LPP: variants seen among roughly 807,000 people sequenced by gnomAD.
LPP encodes the protein LIM domain containing preferred translocation partner in lipoma, also known as lipoma-preferred partner.
Under a neutral mutation model 60.4 loss-of-function variants are expected in LPP, and 38 were observed. The observed-to-expected ratio is 0.63, with a 90% CI of 0.49 to 0.83. The LOEUF (loss-of-function observed/expected upper bound fraction) is 0.83, where lower values mean the gene tolerates loss of function less well. Among genes scored for constraint, LPP ranks in the 40% least tolerant of loss-of-function variants. The pLI is 0.00. For missense variants in LPP, 902 were observed against 783.6 expected, an observed-to-expected ratio of 1.15 and a Z score of -1.80; for synonymous variants, 328 against 290.8, an observed-to-expected ratio of 1.13 and a Z score of -1.30.
In LPP at chr3:188,758,895, T is replaced by C. The variant is rs1249278623; in HGVS notation, c.1241-1218T>C. 3 of 152,256 alleles carry C rather than the reference T, an allele frequency of 2.0e-5. No homozygotes were observed. The East Asian group carries it at 5.8e-4, about 29-fold the overall frequency. 9.4% of individuals were successfully genotyped at this position (152,256 alleles called of 1,614,324 possible). A position where few individuals can be genotyped will look rare whatever the true frequency, so the allele number is the denominator to read the frequency against. On this transcript the variant is annotated intron_variant, in intron 8 of 11. Coordinates refer to ENST00000617246, the MANE Select transcript of LPP (RefSeq NM_001375462.1). The stretch of plus-strand genomic sequence containing the variant: ...TAGGCATAATAACAGTACCTGCATA[T>C]AGACTGTTGTGAATATGAAATGAGT...
chr3:188,726,827 A>G (rs1185995563), intron 8 of LPP, among the ~76,000 whole-genome samples: 1 of 152,212 alleles, frequency 6.6e-6, no homozygotes, highest in Non-Finnish European at 1.5e-5. Flanking sequence ...TTGTGTTGCC[A>G]ACATAACACA....
chr3:188,345,205 T>G (rs1379751482), intron 3 of LPP, among the ~76,000 whole-genome samples: 1 of 152,212 alleles, frequency 6.6e-6, no homozygotes, highest in Non-Finnish European at 1.5e-5. Context: ...TAAAAGGCCA[T>G]TATCTTCCAG....
chr3:188,679,562 T>TGTGC lies in LPP; in HGVS notation c.1114-28704_1114-28703insTGCG, dbSNP rs539053363. On this transcript the variant is annotated intron_variant, in intron 7 of 11. Transcript: ENST00000617246. ...GTGTGTGTGTGTGTGTGTGTGTGTG[T>TGTGC]GCGCGCGCGCATGTTTAGTTGCTGT... is the stretch of plus-strand genomic sequence containing the variant. Among the ~76,000 whole-genome samples, 651 of 124,076 alleles carry TGTGC rather than the reference T, an allele frequency of 5.2e-3. 4 individuals carry two copies. Among genetic ancestry groups the TGTGC allele is most frequent in the African/African-American group, 0.013 (414 of 32,604 alleles). 81.4% of individuals were successfully genotyped at this position (124,076 alleles called of 152,430 possible).
Position 188,708,409 on chromosome 3 carries a change from A to T in LPP, c.1240+16A>T. The T allele has an allele frequency of 5.0e-6, 8 of 1,614,176 alleles. No individual in the cohort carries two copies. Among genetic ancestry groups the T allele is most frequent in the Non-Finnish European group, 6.8e-6 (8 of 1,180,006 alleles). ...GAATACTTTGGTGAGTGGGGCCTAG[A>T]GCTGACTTCTGAAGTAACTATCTTG... is the stretch of plus-strand genomic sequence containing the variant. On this transcript the variant is annotated intron_variant, in intron 8 of 11. Transcript: ENST00000617246.
chr3:188,592,547 T>TTTTGTTTTTTTTTTTTTG (rs1560607264), intron 6 of LPP, among the ~76,000 whole-genome samples: 3 of 111,592 alleles, frequency 2.7e-5, no homozygotes, highest in African/African-American at 9.3e-5. Context: ...CTGTTTTTAG[T>TTTTGTTTTTTTTTTTTTG]TTTGTTTTTG....
intron 4 of LPP, among the ~76,000 whole-genome samples, chr3:188,478,743 G>GT (rs1327987494): frequency 6.6e-6 from 1 of 151,912 alleles, no homozygotes; most frequent in Non-Finnish European, 1.5e-5. Context: ...TTACTATATA[G>GT]TTTTTTGTTT....
intron 5 of LPP, among the ~76,000 whole-genome samples, chr3:188,499,648 GTCACTGGGAT>G (rs1811245612): frequency 6.6e-6 from 1 of 152,080 alleles, no homozygotes; most frequent in Non-Finnish European, 1.5e-5. Flanking sequence ...TTTAAAAAAT[GTCACTGGGAT>G]TTTGATCGGG....
chr3:188,237,095 A>G (rs921963912), intron 2 of LPP, among the ~76,000 whole-genome samples: 1 of 152,214 alleles, frequency 6.6e-6, no homozygotes, highest in Non-Finnish European at 1.5e-5. Flanking sequence ...GTTGTCATTC[A>G]ACGATGCTCA....
intron 7 of LPP, among the ~76,000 whole-genome samples, chr3:188,673,567 G>T (rs1393494920): frequency 6.6e-6 from 1 of 152,012 alleles, no homozygotes; most frequent in Non-Finnish European, 1.5e-5. Context: ...ATGGGTAGGG[G>T]GCATTTTTCA....
intron 2 of LPP, among the ~76,000 whole-genome samples, chr3:188,238,378 T>C (rs920287780): frequency 6.6e-6 from 1 of 152,154 alleles, no homozygotes; most frequent in Non-Finnish European, 1.5e-5. Flanking sequence ...TTATGAACTT[T>C]TTTTTTTTTG....
chr3:188,406,289 C>T lies in LPP; in HGVS notation c.169C>T (p.Pro57Ser), dbSNP rs145658316. The change falls in exon 4 of 12, where the codon CCA becomes TCA. Residue 57 changes from proline to serine, a missense_variant. By Grantham distance (74) the Pro-to-Ser change is moderately conservative. Transcript: ENST00000617246. ...AGTTGCTCCAAAACCTAAGTACAACCCATACAAACAACCTGGAGGTGAGGG... is the reference window on the plus strand; with the variant it reads ...AGTTGCTCCAAAACCTAAGTACAACTCATACAAACAACCTGGAGGTGAGGG... ...PVVAPKPKYN[P>S]YKQPGGEGDF... 1 of 1,613,908 alleles carries T rather than the reference C, an allele frequency of 6.2e-7. No individual in the cohort carries two copies. The highest frequency in any genetic ancestry group is 1.3e-5 in the African/African-American group (1 of 74,900).
intron 1 of LPP, among the ~76,000 whole-genome samples, chr3:188,168,857 A>G (rs900332659): frequency 2.6e-5 from 4 of 152,242 alleles, no homozygotes; most frequent in African/African-American, 9.6e-5. Context: ...TAATCACCAC[A>G]GTTGGTAACA....
In LPP at chr3:188,864,106, G is replaced by A. The variant is rs557616747; in HGVS notation, c.1411-2094G>A. Reference sequence around the variant, plus strand: ...ATCATCATCTCCAAACTCTTACCCTGTGCTCTTCTGCTATTTTAATTTCAC... The same window carrying A: ...ATCATCATCTCCAAACTCTTACCCTATGCTCTTCTGCTATTTTAATTTCAC... On this transcript the variant is annotated intron_variant, in intron 9 of 11. Transcript: ENST00000617246. Among the ~76,000 whole-genome samples the A allele has an allele frequency of 3.7e-4, 56 of 152,204 alleles. 1 individual carries two copies. Among genetic ancestry groups the A allele is most frequent in the African/African-American group, 1.1e-3 (46 of 41,528 alleles).
chr3:188,768,910 G>A (rs562286011), intron 9 of LPP, among the ~76,000 whole-genome samples: 1 of 151,972 alleles, frequency 6.6e-6, no homozygotes, highest in Admixed American at 6.6e-5. Flanking sequence ...TGTATTAGTG[G>A]GAGACTTTTC....
chr3:188,154,525 C>T (rs747503291), intron 1 of LPP, among the ~76,000 whole-genome samples: 2 of 152,088 alleles, frequency 1.3e-5, no homozygotes, highest in Non-Finnish European at 2.9e-5. Context: ...TTTCTGGGCG[C>T]CCAGGGGGCG....
chr3:188,578,084 A>G (rs1835178740), intron 6 of LPP, among the ~76,000 whole-genome samples: 1 of 152,076 alleles, frequency 6.6e-6, no homozygotes, highest in Admixed American at 6.6e-5. Flanking sequence ...CAAAACAAAG[A>G]TATAACTATT....
Position 188,637,629 on chromosome 3 carries a change from A to C in LPP, c.1113+27785A>C, listed in dbSNP as rs542371796. The stretch of plus-strand genomic sequence containing the variant: ...GATAGACCGCTAGCAAGACTAATAA[A>C]GAAAAAAAGAGAGAAGAATCAAATA... On this transcript the variant is annotated intron_variant, in intron 7 of 11. Coordinates refer to ENST00000617246, the MANE Select transcript of LPP (RefSeq NM_001375462.1). 1.0e-3 allele frequency among the ~76,000 whole-genome samples: 158 copies of C among 152,088 alleles called. 1 individual carries two copies. Among genetic ancestry groups the C allele is most frequent in the Non-Finnish European group, 1.6e-3 (112 of 67,924 alleles).
At chr3:188,589,051 A>G (rs977746559) in intron 6 of LPP, among the ~76,000 whole-genome samples, 1 of 151,966 alleles carries the variant, frequency 6.6e-6, no homozygotes, top group African/African-American at 2.4e-5. Flanking sequence ...ATTTCTCCCT[A>G]CTACAAAAAG....
intron 9 of LPP, among the ~76,000 whole-genome samples, chr3:188,768,402 T>C (rs1396481310): frequency 1.3e-5 from 2 of 152,186 alleles, no homozygotes; most frequent in African/African-American, 4.8e-5. Flanking sequence ...AAGTGAAATA[T>C]TAGCAAATTG....
Sources: allele counts gnomAD v4.1 joint callset (sites outside exome capture counted in the v4.1 genomes callset), GRCh38; gene constraint gnomAD v4.1.1; transcripts MANE v1.5; gene names NCBI Gene and HGNC (gene_info 2026-07-23, HGNC 2026-07-21).